Variants in ARMC2 observed in about 807,000 individuals in gnomAD.
ARMC2 encodes armadillo repeat containing 2, also known as armadillo repeat-containing protein 2.
ARMC2 carries 67 observed loss-of-function variants against 90.3 expected under a neutral mutation model. The observed-to-expected ratio is 0.74, with a 90% CI of 0.61 to 0.91. The LOEUF (loss-of-function observed/expected upper bound fraction) is 0.91, where lower values mean the gene tolerates loss of function less well. Ranked by LOEUF, ARMC2 falls within the 40% of genes least tolerant of loss-of-function variation. ARMC2 has a pLI of 0.00. For synonymous variants in ARMC2, 393 were observed against 393.0 expected (o/e 1.00, Z 0.00); for missense variants, 920 against 1,030.9 (o/e 0.89, Z 1.47).
Position 108,953,152 on chromosome 6 carries a change from G to A in ARMC2, c.1716G>A (p.Thr572=), listed in dbSNP as rs537724118. The A allele has an allele frequency of 3.0e-5, 48 of 1,614,054 alleles. No individual in the cohort carries two copies. The highest frequency in any genetic ancestry group is 6.7e-5 in the Admixed American group (4 of 60,028). The part of the protein sequence containing the change: ...SIQTLLSLFQ[T]FHQLDLHSQK... ...AAACTCTGCTGTCATTATTCCAGACGTTCCATCAGCTGGATCTGCATTCCC... is the reference window on the plus strand; with the variant it reads ...AAACTCTGCTGTCATTATTCCAGACATTCCATCAGCTGGATCTGCATTCCC... The change falls in exon 13 of 18, where the codon ACG becomes ACA. Residue 572 remains threonine, a synonymous_variant. Transcript: ENST00000392644.
At chr6:108,989,607 A>C in the ARMC2 span, among the ~76,000 whole-genome samples, 1 of 151,830 alleles carries the variant, frequency 6.6e-6, no homozygotes, top group African/African-American at 2.4e-5. Flanking sequence ...AGAGAGATAG[A>C]TATCTCTCTA....
chr6:108,975,247 C>T (rs1446058545), downstream of ARMC2, among the ~76,000 whole-genome samples: 1 of 151,710 alleles, frequency 6.6e-6, no homozygotes, highest in African/African-American at 2.4e-5. Flanking sequence ...TGAATGAGAA[C>T]ATGTGGTGTT....
chr6:108,898,435 G>A (rs1178603383), intron 6 of ARMC2, among the ~76,000 whole-genome samples: 2 of 152,222 alleles, frequency 1.3e-5, no homozygotes, highest in Non-Finnish European at 2.9e-5. Flanking sequence ...CTGACTTGAT[G>A]TAGACCAAGT....
At chr6:108,867,827 C>T (rs1391503945) in intron 3 of ARMC2, among the ~76,000 whole-genome samples, 1 of 148,714 alleles carries the variant, frequency 6.7e-6, no homozygotes, top group East Asian at 2.0e-4. Context: ...CCTAGCTACT[C>T]GGGAGCTGAG....
chr6:108,882,136 T>TA (rs201951522), intron 5 of ARMC2, among the ~76,000 whole-genome samples: 110 of 143,012 alleles, frequency 7.7e-4, no homozygotes, highest in Non-Finnish European at 9.7e-4. Flanking sequence ...ATCATTCTCT[T>TA]AAAAAAAAAA....
Position 108,924,662 on chromosome 6 carries a change from A to C in ARMC2, c.1351-3426A>C, listed in dbSNP as rs1562394939. 2.0e-5 allele frequency among the ~76,000 whole-genome samples: 3 copies of C among 152,128 alleles called. 1 individual carries two copies. The highest frequency in any genetic ancestry group is 2.0e-4 in the Admixed American group (3 of 15,276). Reference sequence around the variant, plus strand: ...AGATGGCCAGGGTGGTGCCGAGGCAAAGGAGATGAGTTTGGAGGGATAAAC... The same window carrying C: ...AGATGGCCAGGGTGGTGCCGAGGCACAGGAGATGAGTTTGGAGGGATAAAC... On this transcript the variant is annotated intron_variant, in intron 10 of 17. Transcript: ENST00000392644.
the ARMC2 span, among the ~76,000 whole-genome samples, chr6:109,007,789 T>TC: frequency 1.7e-5 from 2 of 116,682 alleles, no homozygotes; most frequent in Non-Finnish European, 3.9e-5. Flanking sequence ...CAGGTACTTT[T>TC]TTTTTTTTTT....
chr6:108,918,134 G>T (rs1432987670), intron 10 of ARMC2, among the ~76,000 whole-genome samples: 1 of 152,138 alleles, frequency 6.6e-6, no homozygotes, highest in East Asian at 1.9e-4. Context: ...GAAAGACAAT[G>T]AAATTACCCA....
intron 10 of ARMC2, 150 bp downstream of exon 10, chr6:108,912,708 C>A (rs1583092796): frequency 1.5e-6 from 1 of 679,424 alleles, no homozygotes; most frequent in South Asian, 1.9e-5. Flanking sequence ...ACCTCCACCC[C>A]ATGAGGGCCT....
chr6:109,010,104 A>G, the ARMC2 span, among the ~76,000 whole-genome samples: 6 of 152,340 alleles, frequency 3.9e-5, no homozygotes, highest in African/African-American at 1.4e-4. Flanking sequence ...TCCCCTACAC[A>G]GATAATAAAC....
At chr6:108,854,583 AT>A (rs763891757) in intron 2 of ARMC2, 98 bp downstream of exon 2, 7 of 1,233,812 alleles carry the variant, frequency 5.7e-6, no homozygotes, top group Non-Finnish European at 7.9e-6. Flanking sequence ...AAATAGACTT[AT>A]TTTTTAGAAC....
intron 5 of ARMC2, among the ~76,000 whole-genome samples, chr6:108,891,651 T>G (rs1420692177): frequency 1.3e-5 from 2 of 152,236 alleles, no homozygotes; most frequent in African/African-American, 4.8e-5. Context: ...TATTAGCCCT[T>G]TGTCAGATGG....
At chr6:108,981,189 C>T in the ARMC2 span, among the ~76,000 whole-genome samples, 1 of 151,952 alleles carries the variant, frequency 6.6e-6, no homozygotes, top group African/African-American at 2.4e-5. Context: ...GCCAAACAGC[C>T]CCCTTCATAT....
At chr6:108,974,488 C>T (rs1778941228), downstream of ARMC2, 1 of 152,136 alleles carries the variant, frequency 6.6e-6, no homozygotes. Context: ...ATTGAGATTA[C>T]TATTATTATC....
At chr6:108,948,586 C>T (rs1776967498) in intron 12 of ARMC2, among the ~76,000 whole-genome samples, 1 of 149,794 alleles carries the variant, frequency 6.7e-6, no homozygotes. Context: ...CAGTTGGCAC[C>T]GCGGCTGCCA....
At chr6:109,016,537 A>G in the ARMC2 span, among the ~76,000 whole-genome samples, 1 of 152,170 alleles carries the variant, frequency 6.6e-6, no homozygotes, top group African/African-American at 2.4e-5. Context: ...TCTGGAGACT[A>G]CTTGTAGGTT....
intron 17 of ARMC2, among the ~76,000 whole-genome samples, chr6:108,966,659 C>T (rs1335521817): frequency 6.6e-6 from 1 of 151,502 alleles, no homozygotes; most frequent in Non-Finnish European, 1.5e-5. Context: ...GGTTCACAGT[C>T]GGCTCCATGA....
intron 16 of ARMC2, among the ~76,000 whole-genome samples, chr6:108,964,687 TC>T (rs1778236380): frequency 6.6e-6 from 1 of 151,858 alleles, no homozygotes; most frequent in Admixed American, 6.6e-5. Context: ...GGCAGGAGAA[TC>T]GCTTGAATCC....
At chr6:108,865,943 G>T (rs1775769154) in intron 3 of ARMC2, among the ~76,000 whole-genome samples, 1 of 150,790 alleles carries the variant, frequency 6.6e-6, no homozygotes, top group Non-Finnish European at 1.5e-5. Flanking sequence ...CATGAGACCA[G>T]GAAGTCAAGG....
Sources: gnomAD v4.1 joint callset for allele counts (sites outside exome capture counted in the v4.1 genomes callset) on GRCh38, gnomAD v4.1.1 for gene constraint, MANE v1.5 for transcripts, NCBI Gene and HGNC (gene_info 2026-07-23, HGNC 2026-07-21) for gene names.